The following ANKHD1 variants were observed in gnomAD, a reference collection of about 807,000 sequenced individuals.
The protein encoded by ANKHD1 is ankyrin repeat and KH domain containing 1, also known as ankyrin repeat and KH domain-containing protein 1.
A neutral mutation model predicts 230.5 loss-of-function variants in ANKHD1; 31 were observed. The observed-to-expected ratio is 0.13, with a 90% CI of 0.10 to 0.18. ANKHD1 has a LOEUF of 0.18. ANKHD1 is among the 10% of genes least tolerant of loss of function. The probability of loss-of-function intolerance (pLI) is 1.00; values close to 1 mark genes in which losing one functional copy is unlikely to be tolerated. For missense variants in ANKHD1, 2,256 were observed against 3,071.3 expected (o/e 0.73, Z 6.27); for synonymous variants, 1,074 against 1,117.6 (o/e 0.96, Z 0.78).
intron 29 of ANKHD1, chr5:140,532,718 A>G: frequency 5.9e-6 from 2 of 339,188 alleles, no homozygotes; most frequent in South Asian, 2.1e-5. Context: ...AGTAAATTGT[A>G]TGGTTTGTGA....
intron 17 of ANKHD1, 40 bp downstream of exon 17, chr5:140,505,273 T>G: frequency 6.2e-7 from 1 of 1,604,362 alleles, no homozygotes; most frequent in Non-Finnish European, 8.5e-7. Flanking sequence ...TGTAGTTACA[T>G]CAGAAAATAA....
At position 140,505,184 on chromosome 5, in the gene ANKHD1, A is replaced by G. The variant is rs1448375558; in HGVS notation, c.3213A>G (p.Val1071=). 5 of 1,614,054 alleles carry G rather than the reference A, an allele frequency of 3.1e-6. No homozygotes were observed. Among genetic ancestry groups the G allele is most frequent in the Admixed American group, 1.7e-5 (1 of 60,012 alleles). The change falls in exon 17 of 34, where the codon GTA becomes GTG. Residue 1071 remains valine (V), a synonymous_variant. Coordinates refer to ENST00000360839, the MANE Select transcript of ANKHD1 (RefSeq NM_017747.3). ...GTGCAGGTGGTCATGAAGAACTTGT[A>G]TCTGTGCTCATTGCACGGGATGCCA... The part of the protein sequence containing the change: ...LACAGGHEEL[V]SVLIARDAKI...
intron 7 of ANKHD1, among the ~76,000 whole-genome samples, chr5:140,457,452 G>C (rs965301228): frequency 3.3e-5 from 5 of 152,084 alleles, no homozygotes; most frequent in Non-Finnish European, 5.9e-5. Context: ...TTGGAACCAA[G>C]CCAAATGTCC....
chr5:140,406,024 G>A (rs1036897131), intron 1 of ANKHD1, among the ~76,000 whole-genome samples: 10 of 152,170 alleles, frequency 6.6e-5, no homozygotes, highest in African/African-American at 2.4e-4. Flanking sequence ...TGGATCAGCT[G>A]AGGTCAGGAG....
chr5:140,410,094 A>C lies in ANKHD1; in HGVS notation c.306+7821A>C, dbSNP rs530813433. On this transcript the variant is annotated intron_variant, in intron 1 of 33. Coordinates refer to ENST00000360839, the MANE Select transcript of ANKHD1 (RefSeq NM_017747.3). ...TTCATATAGTTCATAAGTCAAAGTAATATAAGGGCAGATACAGTGAAGTCT... is the reference window on the plus strand; with the variant it reads ...TTCATATAGTTCATAAGTCAAAGTACTATAAGGGCAGATACAGTGAAGTCT... Among the ~76,000 whole-genome samples the C allele has an allele frequency of 8.6e-5, 13 of 151,518 alleles. No homozygotes were observed. The East Asian group carries it at 2.5e-3, about 29-fold the overall frequency.
At chr5:140,492,660 C>G (rs1450699524) in intron 14 of ANKHD1, among the ~76,000 whole-genome samples, 1 of 152,102 alleles carries the variant, frequency 6.6e-6, no homozygotes, top group Non-Finnish European at 1.5e-5. Context: ...AAAAATCATT[C>G]TAGTAGGGTG....
chr5:140,534,053 G>T (rs536530776), intron 29 of ANKHD1, among the ~76,000 whole-genome samples: 4 of 152,236 alleles, frequency 2.6e-5, no homozygotes, highest in African/African-American at 9.6e-5. Flanking sequence ...CACATGTCCA[G>T]AGTAGGCAAA....
intron 4 of ANKHD1, 37 bp from the exon 5 acceptor site, chr5:140,440,958 A>G (rs1394963267): frequency 6.6e-7 from 1 of 1,513,274 alleles, no homozygotes; most frequent in East Asian, 2.5e-5. Flanking sequence ...GAATAGTAAG[A>G]ATTAACAATT....
intron 24 of ANKHD1, among the ~76,000 whole-genome samples, chr5:140,517,040 A>G (rs1407531565): frequency 1.3e-5 from 2 of 149,564 alleles, no homozygotes; most frequent in Non-Finnish European, 3.0e-5. Flanking sequence ...GTATTCAGGA[A>G]ACCCATCTCA....
At chr5:140,402,534 C>G (rs1489848231) in intron 1 of ANKHD1, among the ~76,000 whole-genome samples, 5 of 152,196 alleles carry the variant, frequency 3.3e-5, no homozygotes, top group Non-Finnish European at 7.3e-5. Context: ...GGAACAGGGA[C>G]TCCTCAGGCT....
At chr5:140,430,637 A>G (rs1772960518) in intron 1 of ANKHD1, among the ~76,000 whole-genome samples, 2 of 147,978 alleles carry the variant, frequency 1.4e-5, no homozygotes, top group Admixed American at 1.4e-4. Flanking sequence ...CCACGTAGCT[A>G]TAAATGGTTT....
intron 10 of ANKHD1, among the ~76,000 whole-genome samples, chr5:140,470,016 T>C (rs1359561492): frequency 1.3e-5 from 2 of 152,044 alleles, no homozygotes; most frequent in Admixed American, 6.6e-5. Context: ...GAATACCATA[T>C]GTTGTATTTA....
intron 10 of ANKHD1, 72 bp downstream of exon 10, chr5:140,464,848 A>T: frequency 4.2e-6 from 6 of 1,413,264 alleles, no homozygotes; most frequent in Non-Finnish European, 4.8e-6. Context: ...TTTAGAAAAC[A>T]CTAAAGATCA....
At chr5:140,419,098 C>T (rs1771649368) in intron 1 of ANKHD1, among the ~76,000 whole-genome samples, 1 of 152,042 alleles carries the variant, frequency 6.6e-6, no homozygotes, top group South Asian at 2.1e-4. Context: ...TTCCATTCTT[C>T]TCATCTTCAC....
intron 7 of ANKHD1, among the ~76,000 whole-genome samples, chr5:140,452,859 C>T (rs905420736): frequency 1.3e-5 from 2 of 152,196 alleles, no homozygotes; most frequent in Admixed American, 1.3e-4. Flanking sequence ...CGGAACAAAG[C>T]TGGATGGAGA....
rs553065253 is a variant in ANKHD1, at chr5:140,408,004, C to A, written c.306+5731C>A. 6.6e-5 allele frequency among the ~76,000 whole-genome samples: 10 copies of A among 152,184 alleles called. No individual in the cohort carries two copies. In the South Asian group the frequency reaches 1.7e-3, roughly 25 times the overall value. On this transcript the variant is annotated intron_variant, in intron 1 of 33. Coordinates refer to ENST00000360839, the MANE Select transcript of ANKHD1 (RefSeq NM_017747.3). ...CCAGCCTGGCCAACATGGTGAAAGC[C>A]TGTCTCTACTAAAAATACAAAAATT...
intron 24 of ANKHD1, among the ~76,000 whole-genome samples, chr5:140,523,081 T>C (rs1178233126): frequency 1.3e-5 from 2 of 151,584 alleles, no homozygotes; most frequent in African/African-American, 4.8e-5. Context: ...ACTTGGTTTT[T>C]TTTTTTAATT....
chr5:140,459,400 A>G, intron 9 of ANKHD1, 45 bp downstream of exon 9: 1 of 1,493,936 alleles, frequency 6.7e-7, no homozygotes, highest in Non-Finnish European at 9.0e-7. Context: ...GACAAATACA[A>G]ATAATAGTTT....
chr5:140,430,711 T>G (rs999298998), intron 1 of ANKHD1, among the ~76,000 whole-genome samples: 1 of 147,086 alleles, frequency 6.8e-6, no homozygotes, highest in Non-Finnish European at 1.5e-5. Flanking sequence ...CAGGTTGAAG[T>G]GGAATGGCAT....
Sources: gnomAD v4.1 joint callset for allele counts (sites outside exome capture counted in the v4.1 genomes callset) on GRCh38, gnomAD v4.1.1 for gene constraint, MANE v1.5 for transcripts, NCBI Gene and HGNC (gene_info 2026-07-23, HGNC 2026-07-21) for gene names.